The following DIP2B variants were observed in gnomAD, a reference collection of about 807,000 sequenced individuals.
DIP2B encodes the protein DIP2 acetate--CoA ligase B (putative).
A neutral mutation model predicts 198.0 loss-of-function variants in DIP2B; 76 were observed. The ratio of observed to expected loss-of-function variants is 0.38; its 90% CI spans 0.32 to 0.46. DIP2B has a LOEUF of 0.46. Among genes scored for constraint, DIP2B ranks in the 20% least tolerant of loss-of-function variants. The pLI, the probability that DIP2B is intolerant of heterozygous loss-of-function variation, is 0.99. For missense variants in DIP2B, 1,559 were observed against 1,978.4 expected (o/e 0.79, Z 4.02); for synonymous variants, 701 against 739.1 (o/e 0.95, Z 0.84).
chr12:50,665,989 A>C (rs1364731990), intron 4 of DIP2B, among the ~76,000 whole-genome samples: 1 of 152,212 alleles, frequency 6.6e-6, no homozygotes, highest in Non-Finnish European at 1.5e-5. Flanking sequence ...AACCTAAACC[A>C]CAAAGTAAAC....
chr12:50,540,053 G>GTTTTTTT lies in DIP2B; in HGVS notation c.100+34836_100+34842dup, dbSNP rs60978324. Among the ~76,000 whole-genome samples the GTTTTTTT allele has an allele frequency of 5.8e-3, 255 of 44,126 alleles. 3 individuals are homozygous for GTTTTTTT. Among genetic ancestry groups the GTTTTTTT allele is most frequent in the Middle Eastern group, 0.017 (1 of 60 alleles). The allele number at this position is 44,126 out of a possible 152,430, so 28.9% of individuals were successfully genotyped here. On this transcript the variant is annotated intron_variant, in intron 1 of 37. Coordinates refer to ENST00000301180, the MANE Select transcript of DIP2B (RefSeq NM_173602.3). ...TGGCAGGTAGTTTAGTTGTTTCTGTGTTTTTTTTTTTTTTTTTTTTTTTTT... is the reference window on the plus strand; with the variant it reads ...TGGCAGGTAGTTTAGTTGTTTCTGTGTTTTTTTTTTTTTTTTTTTTTTTTTTTTTTTT...
At chr12:50,741,389 A>G in intron 36 of DIP2B, 27 bp from the exon 37 acceptor site, 1 of 1,610,858 alleles carries the variant, frequency 6.2e-7, no homozygotes, top group East Asian at 2.2e-5. Flanking sequence ...TGTCCAAGCC[A>G]CATTTCTCTC....
chr12:50,597,156 T>C (rs925930649), intron 1 of DIP2B, among the ~76,000 whole-genome samples: 2 of 152,204 alleles, frequency 1.3e-5, no homozygotes, highest in Non-Finnish European at 2.9e-5. Context: ...TGCACCTTGT[T>C]TTTCACATAA....
intron 2 of DIP2B, among the ~76,000 whole-genome samples, chr12:50,627,761 G>T (rs1011262910): frequency 6.6e-6 from 1 of 152,226 alleles, no homozygotes; most frequent in South Asian, 2.1e-4. Context: ...AGAGAATGTG[G>T]CATATCCCTC....
chr12:50,652,043 A>G (rs1350652989), intron 3 of DIP2B, among the ~76,000 whole-genome samples: 2 of 151,960 alleles, frequency 1.3e-5, no homozygotes, highest in African/African-American at 2.4e-5. Flanking sequence ...AGCTGGGTGC[A>G]GTGGTTCACA....
At chr12:50,557,882 C>T (rs1378083422) in intron 1 of DIP2B, among the ~76,000 whole-genome samples, 1 of 152,146 alleles carries the variant, frequency 6.6e-6, no homozygotes, top group Non-Finnish European at 1.5e-5. Flanking sequence ...CGTGGTGGCT[C>T]CCACCCATAA....
Position 50,746,343 on chromosome 12 carries a change from C to G in DIP2B, c.*1504C>G, listed in dbSNP as rs1275093392. The G allele has an allele frequency of 6.6e-6, 1 of 152,100 alleles. No individual in the cohort carries two copies. The highest frequency in any genetic ancestry group is 1.5e-5 in the Non-Finnish European group (1 of 68,006). 9.4% of individuals were successfully genotyped at this position (152,100 alleles called of 1,614,324 possible). On this transcript the variant is annotated 3_prime_UTR_variant, in exon 38 of 38. Coordinates refer to ENST00000301180, the MANE Select transcript of DIP2B (RefSeq NM_173602.3). ...TCTATTGTGTAAATATTTATTTAGA[C>G]TATTTTAATAATACATATTATTTAC...
intron 10 of DIP2B, 94 bp downstream of exon 10, chr12:50,683,342 C>A: frequency 6.8e-6 from 7 of 1,026,608 alleles, no homozygotes; most frequent in South Asian, 6.4e-5. Context: ...AAAAACTGTT[C>A]GACCATTTTT....
chr12:50,643,651 G>A (rs896288533), intron 3 of DIP2B, among the ~76,000 whole-genome samples: 4 of 152,034 alleles, frequency 2.6e-5, no homozygotes, highest in Non-Finnish European at 4.4e-5. Context: ...ACTAAATAAC[G>A]AAAGAAAGCT....
intron 25 of DIP2B, 64 bp downstream of exon 25, chr12:50,719,099 G>C (rs1939787191): frequency 6.6e-7 from 1 of 1,523,916 alleles, no homozygotes; most frequent in Non-Finnish European, 8.9e-7. Flanking sequence ...AGGCACTCTT[G>C]ATCTCTTTCT....
intron 2 of DIP2B, among the ~76,000 whole-genome samples, chr12:50,638,424 T>C (rs936308098): frequency 1.1e-4 from 16 of 152,260 alleles, no homozygotes; most frequent in Non-Finnish European, 5.9e-5. Flanking sequence ...TATAATTATA[T>C]TGTGTACATA....
At chr12:50,583,220 A>G (rs1958741008) in intron 1 of DIP2B, among the ~76,000 whole-genome samples, 1 of 152,048 alleles carries the variant, frequency 6.6e-6, no homozygotes, top group Non-Finnish European at 1.5e-5. Context: ...CTCTTAGCCA[A>G]TGGCCTTGTT....
At chr12:50,610,753 G>A (rs935529930) in intron 1 of DIP2B, among the ~76,000 whole-genome samples, 16 of 150,892 alleles carry the variant, frequency 1.1e-4, no homozygotes, top group African/African-American at 3.9e-4. Context: ...TGATCTGCCC[G>A]CCTCAGCCTC....
intron 1 of DIP2B, among the ~76,000 whole-genome samples, chr12:50,603,405 C>A (rs1359610392): frequency 6.6e-6 from 1 of 152,050 alleles, no homozygotes; most frequent in African/African-American, 2.4e-5. Context: ...AATCTTACTG[C>A]CTAGGCTACG....
chr12:50,534,369 ATTTTTTTTT>A (rs72095442), intron 1 of DIP2B, among the ~76,000 whole-genome samples: 1 of 107,870 alleles, frequency 9.3e-6, no homozygotes, highest in African/African-American at 3.6e-5. Flanking sequence ...TTCTCATTTC[ATTTTTTTTT>A]TTTTTTTTTT....
At chr12:50,709,371 G>A (rs1298781135) in intron 22 of DIP2B, among the ~76,000 whole-genome samples, 14 of 152,004 alleles carry the variant, frequency 9.2e-5, no homozygotes, top group African/African-American at 3.4e-4. Flanking sequence ...AGTGGCTCAC[G>A]CCTGTAATCC....
chr12:50,675,049 A>G (rs1459320592), intron 6 of DIP2B, among the ~76,000 whole-genome samples: 2 of 152,312 alleles, frequency 1.3e-5, no homozygotes, highest in East Asian at 1.9e-4. Flanking sequence ...AGATGGCGCC[A>G]CTGCACTCCA....
intron 28 of DIP2B, among the ~76,000 whole-genome samples, chr12:50,727,371 A>G (rs1047039496): frequency 2.0e-5 from 3 of 152,214 alleles, no homozygotes; most frequent in Non-Finnish European, 4.4e-5. Context: ...AAACAGACAC[A>G]AAGAGGTGAA....
chr12:50,632,924 T>G (rs1408992962), intron 2 of DIP2B, among the ~76,000 whole-genome samples: 2 of 151,678 alleles, frequency 1.3e-5, no homozygotes, highest in African/African-American at 2.4e-5. Flanking sequence ...ACCTAAAAAT[T>G]TAGTGAGTGA....
Sources: gnomAD v4.1 joint callset for allele counts (sites outside exome capture counted in the v4.1 genomes callset) on GRCh38, gnomAD v4.1.1 for gene constraint, MANE v1.5 for transcripts, NCBI Gene and HGNC (gene_info 2026-07-23, HGNC 2026-07-21) for gene names.